PTCHD1: variants seen among roughly 807,000 people sequenced by gnomAD.
PTCHD1 encodes the protein patched domain-containing protein 1.
Under a neutral mutation model 34.6 loss-of-function variants are expected in PTCHD1, and 3 were observed. That is an observed-to-expected ratio of 0.09 (90% CI 0.04 to 0.22). The LOEUF (loss-of-function observed/expected upper bound fraction) is 0.22. Ranked by LOEUF, PTCHD1 falls within the 10% of genes least tolerant of loss-of-function variation. The pLI is 1.00. For synonymous variants in PTCHD1, 305 were observed against 283.1 expected (o/e 1.08, Z -0.77); for missense variants, 504 against 685.5 (o/e 0.74, Z 2.96).
intron 1 of PTCHD1, among the ~76,000 whole-genome samples, chrX:23,370,845 C>T (rs996213980): frequency 3.6e-5 from 4 of 111,241 alleles, no homozygotes; most frequent in African/African-American, 1.3e-4. Flanking sequence ...GTTAAAACGA[C>T]GGGAATGAGA....
rs1268624663 is a variant in PTCHD1, at chrX:23,400,838, GGTTTGTCTTTTTTGTTTGTTT to G, written c.*6660_*6680del. The G allele has an allele frequency of 9.0e-6, 1 of 110,832 alleles. No homozygotes were observed. Among genetic ancestry groups the G allele is most frequent in the Non-Finnish European group, 1.9e-5 (1 of 53,037 alleles). The allele number at this position is 110,832 out of a possible 1,213,427, so 9.1% of individuals were successfully genotyped here. On this transcript the variant is annotated 3_prime_UTR_variant, in exon 3 of 3. Transcript: ENST00000379361. ...GTAGCATCTGATGTAAAGTTTGAGG[GGTTTGTCTTTTTTGTTTGTTT>G]GTTTGTTTTTTTTTGAGATGGAGTC...
chrX:23,334,835 G>A, upstream of PTCHD1: 1 of 966,641 alleles, frequency 1.0e-6, no homozygotes, highest in Non-Finnish European at 1.3e-6. Context: ...CCCGCGCCGA[G>A]CGTGCGCCTC....
At position 23,395,173 on chromosome X, in the gene PTCHD1, C is replaced by T. The variant is rs868588237; in HGVS notation, c.*988C>T. On this transcript the variant is annotated 3_prime_UTR_variant, in exon 3 of 3. Coordinates refer to ENST00000379361, the MANE Select transcript of PTCHD1 (RefSeq NM_173495.3). ...AGCTGGTACAGCTGTTTGCATTGGCCCTACATGCATTTTTTGCATGGATAT... is the reference window on the plus strand; with the variant it reads ...AGCTGGTACAGCTGTTTGCATTGGCTCTACATGCATTTTTTGCATGGATAT... 63 of 112,101 alleles carry T rather than the reference C, an allele frequency of 5.6e-4. No individual in the cohort carries two copies. The highest frequency in any genetic ancestry group is 1.9e-3 in the African/African-American group (58 of 30,782). 9.2% of individuals were successfully genotyped at this position (112,101 alleles called of 1,213,427 possible). A position where few individuals can be genotyped will look rare whatever the true frequency, so the allele number is the denominator to read the frequency against.
At chrX:23,361,586 G>A (rs111733521) in intron 1 of PTCHD1, among the ~76,000 whole-genome samples, 15 of 111,560 alleles carry the variant, frequency 1.3e-4, no homozygotes, top group East Asian at 2.8e-4. Context: ...ACACTGATGC[G>A]CCTTGAGTCT....
At chrX:23,354,561 C>A (rs1443299502) in intron 1 of PTCHD1, among the ~76,000 whole-genome samples, 1 of 99,925 alleles carries the variant, frequency 1.0e-5, no homozygotes, top group South Asian at 4.6e-4. Context: ...GGCTTGGGAA[C>A]AAGGTGAAAT....
intron 1 of PTCHD1, among the ~76,000 whole-genome samples, chrX:23,369,583 C>G (rs753993434): frequency 9.0e-6 from 1 of 111,470 alleles, no homozygotes; most frequent in South Asian, 3.8e-4. Context: ...GTAATATCTA[C>G]CTCCCTGATT....
At chrX:23,386,979 C>T (rs985820605) in intron 2 of PTCHD1, among the ~76,000 whole-genome samples, 1 of 111,924 alleles carries the variant, frequency 8.9e-6, no homozygotes, top group African/African-American at 3.3e-5. Context: ...TAGCACCCAG[C>T]GGCATCTCTC....
At chrX:23,342,288 ATATATATATATATATATATATATT>A (rs1452974580) in intron 1 of PTCHD1, among the ~76,000 whole-genome samples, 49 of 7,493 alleles carry the variant, frequency 6.5e-3, no homozygotes, top group Non-Finnish European at 7.4e-3. Flanking sequence ...ATATATATAT[ATATATATATATATATATATATATT>A]TTTTTTTTTT....
rs144843249 is a variant in PTCHD1, at chrX:23,392,507, T to C, written c.1013-24T>C. On this transcript the variant is annotated intron_variant, in intron 2 of 2. Transcript: ENST00000379361. ...AGAGATTAGTTCTTTAAACTTCTGC[T>C]CTGGTCTTTTTCTGCCCTCTTAGGT... 685 of 1,020,321 alleles carry C rather than the reference T, an allele frequency of 6.7e-4. 5 individuals carry two copies. In the East Asian group the frequency reaches 0.019, roughly 28 times the overall value. 84.1% of individuals were successfully genotyped at this position (1,020,321 alleles called of 1,213,427 possible).
At chrX:23,335,769 G>A (rs1399162199) in intron 1 of PTCHD1, among the ~76,000 whole-genome samples, 1 of 111,571 alleles carries the variant, frequency 9.0e-6, no homozygotes, top group Non-Finnish European at 1.9e-5. Context: ...TGGTGATGAA[G>A]ATGCCTCCCA....
chrX:23,373,882 C>T (rs1018000819), intron 1 of PTCHD1, among the ~76,000 whole-genome samples: 6 of 112,129 alleles, frequency 5.4e-5, no homozygotes, highest in African/African-American at 1.9e-4. Context: ...ACCAGATATT[C>T]CTTGAAAGCA....
rs766882195 is a variant in PTCHD1, at chrX:23,404,020, C to T, written c.*9835C>T. 2 of 112,066 alleles carry T rather than the reference C, an allele frequency of 1.8e-5. No homozygotes were observed. The highest frequency in any genetic ancestry group is 5.6e-4 in the East Asian group (2 of 3,555). 9.2% of individuals were successfully genotyped at this position (112,066 alleles called of 1,213,427 possible). On this transcript the variant is annotated 3_prime_UTR_variant, in exon 3 of 3. Coordinates refer to ENST00000379361, the MANE Select transcript of PTCHD1 (RefSeq NM_173495.3). Reference sequence around the variant, plus strand: ...TCCCACTGATGATTGGCAATTCCACCGTTCCTCTCCATCTGACCAGCTTTC... The same window carrying T: ...TCCCACTGATGATTGGCAATTCCACTGTTCCTCTCCATCTGACCAGCTTTC...
At chrX:23,335,264 C>T (rs1601898959) in intron 1 of PTCHD1, 38 bp downstream of exon 1, 2 of 1,105,068 alleles carry the variant, frequency 1.8e-6, no homozygotes, top group East Asian at 6.0e-5. Context: ...CCGCCAGCGC[C>T]GCGGCCGCGG....
chrX:23,378,364 G>C (rs113051754), intron 1 of PTCHD1, among the ~76,000 whole-genome samples: 12 of 111,985 alleles, frequency 1.1e-4, no homozygotes, highest in African/African-American at 3.6e-4. Context: ...CCTGACACGT[G>C]GTAGTAGCTC....
intron 1 of PTCHD1, among the ~76,000 whole-genome samples, chrX:23,359,625 T>C (rs1267097615): frequency 1.8e-5 from 2 of 112,124 alleles, no homozygotes; most frequent in Admixed American, 9.5e-5. Flanking sequence ...CTTTTCCTAA[T>C]TGAATACCCT....
chrX:23,356,263 A>G (rs911243237), intron 1 of PTCHD1, among the ~76,000 whole-genome samples: 10 of 112,245 alleles, frequency 8.9e-5, no homozygotes, highest in African/African-American at 2.6e-4. Flanking sequence ...GGATATAACA[A>G]ATAACAAGAT....
intron 1 of PTCHD1, among the ~76,000 whole-genome samples, chrX:23,357,829 G>A (rs1921849896): frequency 9.0e-6 from 1 of 110,902 alleles, no homozygotes; most frequent in Admixed American, 9.6e-5. Context: ...CCCCACGACA[G>A]GCCCTGGTGT....
At chrX:23,343,005 A>T (rs1421101999) in intron 1 of PTCHD1, among the ~76,000 whole-genome samples, 1 of 112,460 alleles carries the variant, frequency 8.9e-6, no homozygotes, top group Admixed American at 9.4e-5. Context: ...ACAATGTCTG[A>T]CACTGCCAGA....
chrX:23,366,646 T>C (rs773929267), intron 1 of PTCHD1, among the ~76,000 whole-genome samples: 1 of 111,293 alleles, frequency 9.0e-6, no homozygotes, highest in African/African-American at 3.3e-5. Flanking sequence ...GCAAGGCCAG[T>C]GTGGGTGCCC....
Sources: gnomAD v4.1 joint callset for allele counts (sites outside exome capture counted in the v4.1 genomes callset) on GRCh38, gnomAD v4.1.1 for gene constraint, MANE v1.5 for transcripts, NCBI Gene and HGNC (gene_info 2026-07-23, HGNC 2026-07-21) for gene names.